TNNT3: variants seen among roughly 807,000 people sequenced by gnomAD.
TNNT3 encodes troponin T3, fast skeletal type, also known as troponin T, fast skeletal muscle.
In TNNT3, 36 loss-of-function variants were observed where a neutral mutation model predicts 54.2. The ratio of observed to expected loss-of-function variants is 0.66; its 90% CI spans 0.51 to 0.88. The LOEUF (loss-of-function observed/expected upper bound fraction) is 0.88. Among genes scored for constraint, TNNT3 ranks in the 40% least tolerant of loss-of-function variants. The pLI is 0.00. For synonymous variants in TNNT3, 120 were observed against 109.7 expected, an observed-to-expected ratio of 1.09 and a Z score of -0.59; for missense variants, 291 against 331.6, an observed-to-expected ratio of 0.88 and a Z score of 0.95.
intron 1 of TNNT3, among the ~76,000 whole-genome samples, chr11:1,920,005 A>G (rs115507418): frequency 0.013 from 2,042 of 152,298 alleles, 59 homozygotes; most frequent in African/African-American, 0.047. Flanking sequence ...GATGCAGAAG[A>G]AGGCAGAGTG....
chr11:1,934,817 C>T lies in TNNT3; in HGVS notation c.591-12C>T, dbSNP rs1854492172. The T allele has an allele frequency of 2.5e-6, 4 of 1,612,988 alleles. No individual in the cohort carries two copies. The highest frequency in any genetic ancestry group is 2.5e-6 in the Non-Finnish European group (3 of 1,179,754). ...CTTATTCAACGAAGCCTCACCACTT[C>T]CTCTGCCCCAGGGACAAGGCCAAGG... On this transcript the variant is annotated splice_polypyrimidine_tract_variant and intron_variant, in intron 13 of 15. Coordinates refer to ENST00000278317, the MANE Select transcript of TNNT3 (RefSeq NM_006757.4).
chr11:1,937,751 A>T (rs1228392174), intron 15 of TNNT3, among the ~76,000 whole-genome samples: 1 of 152,168 alleles, frequency 6.6e-6, no homozygotes, highest in Non-Finnish European at 1.5e-5. Context: ...TCCGTGGTGC[A>T]CGTGACCTCA....
chr11:1,924,042 G>T (rs983751089), intron 4 of TNNT3, among the ~76,000 whole-genome samples: 1 of 151,868 alleles, frequency 6.6e-6, no homozygotes, highest in Non-Finnish European at 1.5e-5. Context: ...TGGCAACTTT[G>T]TCTCTCTGTG....
chr11:1,935,549 G>C (rs7119260), intron 14 of TNNT3: 6,128 of 174,900 alleles, frequency 0.035, 256 homozygotes, highest in African/African-American at 0.1. Flanking sequence ...GGCGGCCTCA[G>C]GGACTGGGGT....
intron 5 of TNNT3, chr11:1,926,474 T>C (rs1851623199): frequency 6.2e-7 from 1 of 1,613,254 alleles, no homozygotes. Context: ...GTGAAGTTCA[T>C]GAACCAGGTA....
At chr11:1,924,377 C>T (rs1028094374) in intron 4 of TNNT3, among the ~76,000 whole-genome samples, 5 of 152,292 alleles carry the variant, frequency 3.3e-5, no homozygotes, top group East Asian at 3.9e-4. Flanking sequence ...AGGCCGACGG[C>T]GCTGCCCTGG....
intron 14 of TNNT3, chr11:1,936,114 T>C (rs543443769): frequency 1.4e-6 from 2 of 1,393,610 alleles, no homozygotes; most frequent in East Asian, 2.3e-5. Context: ...CCCCAGGGGC[T>C]CCAGAGCCTG....
In TNNT3 at chr11:1,934,013, G is replaced by T. The variant is rs896414267; in HGVS notation, c.366+5G>T. ...GAGCGCCAGAACAGACTGGCGGTGA[G>T]GGCACCATCCGCACTGCTGCCTCAT... On this transcript the variant is annotated splice_donor_5th_base_variant and intron_variant, in intron 11 of 15. Coordinates refer to ENST00000278317, the MANE Select transcript of TNNT3 (RefSeq NM_006757.4). 1.6e-5 allele frequency: 25 copies of T among 1,611,272 alleles called. No homozygotes were observed. Among genetic ancestry groups the T allele is most frequent in the Non-Finnish European group, 2.1e-5 (25 of 1,179,532 alleles).
At position 1,938,624 on chromosome 11, in the gene TNNT3, C is replaced by G; in HGVS notation, c.*132C>G. On this transcript the variant is annotated 3_prime_UTR_variant, in exon 16 of 16. Transcript: ENST00000278317. ...CCTGACAGTCCTGGGGGTGGAGAGG[C>G]CATCCCGGGGCGTCCCCCGCGTCTG... 1 of 962,128 alleles carries G rather than the reference C, an allele frequency of 1.0e-6. No individual in the cohort carries two copies. The highest frequency in any genetic ancestry group is 1.6e-5 in the African/African-American group (1 of 62,074). The allele number at this position is 962,128 out of a possible 1,614,324, so 59.6% of individuals were successfully genotyped here. A position where few individuals can be genotyped will look rare whatever the true frequency, so the allele number is the denominator to read the frequency against.
chr11:1,926,053 G>A (rs939415277), intron 5 of TNNT3, among the ~76,000 whole-genome samples: 2 of 152,156 alleles, frequency 1.3e-5, no homozygotes, highest in African/African-American at 4.8e-5. Context: ...GTGGGCCCTT[G>A]GTGCCACCCG....
In TNNT3 at chr11:1,925,343, T is replaced by C. The variant is rs759428728; in HGVS notation, c.67+227T>C. 9.3e-6 allele frequency: 11 copies of C among 1,177,718 alleles called. No individual in the cohort carries two copies. In the South Asian group the frequency reaches 1.3e-4, roughly 14 times the overall value. 73.0% of individuals were successfully genotyped at this position (1,177,718 alleles called of 1,614,324 possible). Reference sequence around the variant, plus strand: ...GGCCTGGCTGGAGCCCATGTGGGGGTGGGGGAGAGGGGGAGAGGGTGGGGA... The same window carrying C: ...GGCCTGGCTGGAGCCCATGTGGGGGCGGGGGAGAGGGGGAGAGGGTGGGGA... On this transcript the variant is annotated intron_variant, in intron 5 of 15. Coordinates refer to ENST00000278317, the MANE Select transcript of TNNT3 (RefSeq NM_006757.4).
At chr11:1,922,344 G>A (rs1267819209) in intron 1 of TNNT3, among the ~76,000 whole-genome samples, 3 of 152,146 alleles carry the variant, frequency 2.0e-5, no homozygotes, top group Non-Finnish European at 2.9e-5. Context: ...GGTAGGGTGA[G>A]CAGATTACTC....
chr11:1,935,001 A>T, intron 14 of TNNT3, 82 bp downstream of exon 14: 1 of 1,341,426 alleles, frequency 7.5e-7, no homozygotes, highest in Non-Finnish European at 1.1e-6. Flanking sequence ...GTCCCTACCA[A>T]ACTCTGGACC....
At chr11:1,920,565 G>A (rs1454392166) in intron 1 of TNNT3, among the ~76,000 whole-genome samples, 1 of 151,896 alleles carries the variant, frequency 6.6e-6, no homozygotes, top group Admixed American at 6.6e-5. Flanking sequence ...AGGGACATGG[G>A]GCAAAGCAAA....
At chr11:1,936,320 C>G in intron 14 of TNNT3, 2 of 1,565,046 alleles carry the variant, frequency 1.3e-6, no homozygotes, top group Non-Finnish European at 1.8e-6. Flanking sequence ...GTGAACCTCT[C>G]GCATGGCAAA....
At chr11:1,938,255 C>A in intron 15 of TNNT3, 183 bp from the exon 16 acceptor site, 1 of 691,560 alleles carries the variant, frequency 1.4e-6, no homozygotes. Flanking sequence ...ACGACCTAGG[C>A]CCGCCAGGCA....
intron 5 of TNNT3, 44 bp from the exon 6 acceptor site, chr11:1,926,651 C>T: frequency 6.2e-7 from 1 of 1,613,286 alleles, no homozygotes; most frequent in Non-Finnish European, 8.5e-7. Context: ...CACTGGTCCT[C>T]TCTCTCTCCC....
intron 3 of TNNT3, 98 bp downstream of exon 3, chr11:1,923,159 C>T: frequency 6.6e-7 from 1 of 1,523,060 alleles, no homozygotes; most frequent in South Asian, 1.1e-5. Flanking sequence ...GTCCCCTTGA[C>T]AGCCCTACAT....
At chr11:1,933,136 T>A (rs1440287114) in intron 9 of TNNT3, among the ~76,000 whole-genome samples, 1 of 17,252 alleles carries the variant, frequency 5.8e-5, no homozygotes, top group Non-Finnish European at 1.1e-4. Context: ...ACCCACCCAT[T>A]CACCCATTCA....
Sources: gnomAD v4.1 joint callset for allele counts (sites outside exome capture counted in the v4.1 genomes callset) on GRCh38, gnomAD v4.1.1 for gene constraint, MANE v1.5 for transcripts, NCBI Gene and HGNC (gene_info 2026-07-23, HGNC 2026-07-21) for gene names.